The following FBLN7 variants were observed in gnomAD, a reference collection of about 807,000 sequenced individuals.
FBLN7 encodes fibulin-7.
In FBLN7, 31 loss-of-function variants were observed where a neutral mutation model predicts 44.0. The ratio of observed to expected loss-of-function variants is 0.70; its 90% confidence interval spans 0.53 to 0.95. The LOEUF (loss-of-function observed/expected upper bound fraction) is 0.95. FBLN7 is among the 40% of genes least tolerant of loss of function. FBLN7 has a pLI of 0.00. For missense variants in FBLN7, 573 were observed against 618.5 expected (o/e 0.93, Z 0.78); for synonymous variants, 262 against 253.4 (o/e 1.03, Z -0.32).
At chr2:112,157,370 A>C (rs928187242) in intron 1 of FBLN7, among the ~76,000 whole-genome samples, 18 of 152,114 alleles carry the variant, frequency 1.2e-4, no homozygotes, top group African/African-American at 4.3e-4. Flanking sequence ...ACTCTATCTC[A>C]TTAAAAAAAA....
chr2:112,173,483 AGTTGATAG>A (rs1159758859), intron 3 of FBLN7, among the ~76,000 whole-genome samples: 1 of 152,180 alleles, frequency 6.6e-6, no homozygotes, highest in Non-Finnish European at 1.5e-5. Context: ...ACAGGAAATG[AGTTGATAG>A]AACCCAGGAA....
At chr2:112,161,652 C>CCCCTGCCCATGTGAGAGGG (rs558346226) in intron 2 of FBLN7, among the ~76,000 whole-genome samples, 11 of 152,300 alleles carry the variant, frequency 7.2e-5, no homozygotes, top group African/African-American at 1.9e-4. Context: ...TTATACAATT[C>CCCCTGCCCATGTGAGAGGG]CCCTGCCCAT....
chr2:112,156,616 C>T (rs1573779886), intron 1 of FBLN7, among the ~76,000 whole-genome samples: 1 of 152,272 alleles, frequency 6.6e-6, no homozygotes, highest in South Asian at 2.1e-4. Flanking sequence ...TGCAGGAGGT[C>T]GCTCCTGAGT....
the FBLN7 span, among the ~76,000 whole-genome samples, chr2:112,194,377 C>T: frequency 6.6e-6 from 1 of 152,158 alleles, no homozygotes; most frequent in Admixed American, 6.6e-5. Context: ...GAAAGTGACC[C>T]ATTTGAGTCT....
chr2:112,241,057 G>A, the FBLN7 span, among the ~76,000 whole-genome samples: 2 of 151,178 alleles, frequency 1.3e-5, no homozygotes, highest in African/African-American at 4.9e-5. Flanking sequence ...GCATTCATCA[G>A]GAATTAAGAG....
chr2:112,235,235 T>C, the FBLN7 span, among the ~76,000 whole-genome samples: 3 of 152,216 alleles, frequency 2.0e-5, no homozygotes, highest in African/African-American at 7.2e-5. Flanking sequence ...ATGTCAAATT[T>C]CCACTTAGCA....
intron 7 of FBLN7, among the ~76,000 whole-genome samples, chr2:112,186,480 A>G (rs982285418): frequency 6.6e-6 from 1 of 152,106 alleles, no homozygotes; most frequent in Non-Finnish European, 1.5e-5. Context: ...TCTCTACTAA[A>G]AATACAAAAA....
the FBLN7 span, among the ~76,000 whole-genome samples, chr2:112,242,219 T>G: frequency 6.6e-6 from 1 of 152,216 alleles, no homozygotes; most frequent in South Asian, 2.1e-4. Flanking sequence ...CCACCTGTGT[T>G]TGTAAGCACC....
At chr2:112,219,625 G>A in the FBLN7 span, among the ~76,000 whole-genome samples, 2 of 152,076 alleles carry the variant, frequency 1.3e-5, no homozygotes, top group African/African-American at 2.4e-5. Context: ...TTGCACAGTG[G>A]TCTGATGAGA....
chr2:112,159,584 C>A, intron 1 of FBLN7, 92 bp from the exon 2 acceptor site: 1 of 1,403,082 alleles, frequency 7.1e-7, no homozygotes, highest in Non-Finnish European at 9.4e-7. Context: ...GCGGTTTGGA[C>A]CCCGTGGCTT....
chr2:112,224,053 C>A, the FBLN7 span, among the ~76,000 whole-genome samples: 1 of 152,164 alleles, frequency 6.6e-6, no homozygotes, highest in South Asian at 2.1e-4. Context: ...GCAGGAGAAT[C>A]GCTTCAGCCT....
intron 1 of FBLN7, among the ~76,000 whole-genome samples, chr2:112,149,337 C>A (rs1273709683): frequency 6.6e-6 from 1 of 152,200 alleles, no homozygotes; most frequent in African/African-American, 2.4e-5. Flanking sequence ...TTGGGCTAGC[C>A]TGGAGTCTTT....
chr2:112,196,428 C>G, the FBLN7 span, among the ~76,000 whole-genome samples: 1 of 124,166 alleles, frequency 8.1e-6, no homozygotes, highest in Non-Finnish European at 1.6e-5. Flanking sequence ...GTCACCCAGG[C>G]TGGAGTGCAG....
chr2:112,151,953 G>A (rs1207326028), intron 1 of FBLN7: 1 of 152,294 alleles, frequency 6.6e-6, no homozygotes, highest in Non-Finnish European at 1.5e-5. Flanking sequence ...AATGGGGAAA[G>A]TGAGTTTGGT....
chr2:112,180,608 A>T (rs1211488467), intron 4 of FBLN7, among the ~76,000 whole-genome samples: 1 of 152,194 alleles, frequency 6.6e-6, no homozygotes, highest in Non-Finnish European at 1.5e-5. Context: ...CTCGTCAATA[A>T]CAGACTGGAT....
At chr2:112,171,518 G>A (rs555812344) in intron 3 of FBLN7, among the ~76,000 whole-genome samples, 120 of 151,770 alleles carry the variant, frequency 7.9e-4, no homozygotes, top group African/African-American at 2.7e-3. Flanking sequence ...AAAAAGATTT[G>A]AGTAGAAAGA....
the FBLN7 span, among the ~76,000 whole-genome samples, chr2:112,202,898 C>T: frequency 1.3e-5 from 2 of 152,302 alleles, no homozygotes; most frequent in South Asian, 4.1e-4. Context: ...GAAAAGCTAC[C>T]TTCTCAGGGC....
the FBLN7 span, among the ~76,000 whole-genome samples, chr2:112,242,688 CA>C: frequency 2.0e-5 from 3 of 152,246 alleles, no homozygotes; most frequent in South Asian, 6.2e-4. Context: ...TAAAAGAAAA[CA>C]ATGTATGTTG....
intron 1 of FBLN7, chr2:112,153,126 A>G (rs1003154506): frequency 1.3e-5 from 2 of 152,240 alleles, no homozygotes; most frequent in Non-Finnish European, 2.9e-5. Flanking sequence ...TGGCATGAAG[A>G]GTAGTCGAGG....
Sources: gnomAD v4.1 joint callset for allele counts (sites outside exome capture counted in the v4.1 genomes callset) on GRCh38, gnomAD v4.1.1 for gene constraint, MANE v1.5 for transcripts, NCBI Gene and HGNC (gene_info 2026-07-23, HGNC 2026-07-21) for gene names.